The following TULP4 variants were observed in gnomAD, a reference collection of about 807,000 sequenced individuals.
The protein encoded by TULP4 is tubby-related protein 4.
In TULP4, 16 loss-of-function variants were observed where a neutral mutation model predicts 129.0. That is an observed-to-expected ratio of 0.12 (90% CI 0.08 to 0.19). TULP4 has a LOEUF of 0.19. Ranked by LOEUF, TULP4 falls within the 10% of genes least tolerant of loss-of-function variation. TULP4 has a pLI of 1.00. For synonymous variants in TULP4, 998 were observed against 854.0 expected (o/e 1.17, Z -2.94); for missense variants, 1,842 against 2,059.1 (o/e 0.89, Z 2.04).
intron 1 of TULP4, among the ~76,000 whole-genome samples, chr6:158,292,662 A>G (rs1395986490): frequency 6.6e-6 from 1 of 152,134 alleles, no homozygotes; most frequent in Non-Finnish European, 1.5e-5. Context: ...TTATGTCTTT[A>G]TCAACGTTTA....
chr6:158,362,450 A>G (rs1297084078), intron 1 of TULP4, among the ~76,000 whole-genome samples: 1 of 152,138 alleles, frequency 6.6e-6, no homozygotes, highest in Non-Finnish European at 1.5e-5. Context: ...CCTGGGCTCA[A>G]GCAATGCTCC....
chr6:158,350,246 GGCGGCCGGGC>G (rs1780478782), intron 1 of TULP4, among the ~76,000 whole-genome samples: 2 of 4,426 alleles, frequency 4.5e-4, no homozygotes, highest in Non-Finnish European at 2.1e-3. Flanking sequence ...TCCCAGACGG[GGCGGCCGGGC>G]AGAGGGGCTC....
chr6:158,334,514 C>A (rs1017294049), intron 1 of TULP4, among the ~76,000 whole-genome samples: 6 of 152,158 alleles, frequency 3.9e-5, no homozygotes, highest in African/African-American at 1.4e-4. Flanking sequence ...GGCTACTGAT[C>A]AGCAATAGAC....
chr6:158,345,010 A>T (rs1259819987), intron 1 of TULP4, among the ~76,000 whole-genome samples: 1 of 152,254 alleles, frequency 6.6e-6, no homozygotes, highest in Admixed American at 6.5e-5. Context: ...AGTGGTCTGG[A>T]TGGAAGATCA....
chr6:158,401,398 T>A (rs909015506), intron 1 of TULP4, among the ~76,000 whole-genome samples: 1 of 152,180 alleles, frequency 6.6e-6, no homozygotes, highest in Non-Finnish European at 1.5e-5. Context: ...AAGCTGTTTT[T>A]CCCTGGCAAC....
At chr6:158,420,575 G>A (rs1319234044) in intron 2 of TULP4, among the ~76,000 whole-genome samples, 2 of 152,084 alleles carry the variant, frequency 1.3e-5, no homozygotes, top group Admixed American at 6.6e-5. Context: ...CTTGCCTCCC[G>A]GGTTCAAGCG....
chr6:158,490,077 T>C (rs767726409), intron 9 of TULP4, among the ~76,000 whole-genome samples: 1 of 152,164 alleles, frequency 6.6e-6, no homozygotes, highest in Non-Finnish European at 1.5e-5. Flanking sequence ...GGATGTAACA[T>C]GTTGAAGAGA....
At position 158,292,268 on chromosome 6, in the gene TULP4, G is replaced by C. The variant is rs919024728; in HGVS notation, n.116+9890G>C. Among the ~76,000 whole-genome samples the C allele has an allele frequency of 2.0e-5, 3 of 152,322 alleles. No homozygotes were observed. The South Asian group carries it at 6.2e-4, about 32-fold the overall frequency. Reference sequence around the variant, plus strand: ...AATGACCAACTGTCTGGTTAGTCCAGGACTGAGGGGTTTCCTGGGATGTGG... The same window carrying C: ...AATGACCAACTGTCTGGTTAGTCCACGACTGAGGGGTTTCCTGGGATGTGG... On this transcript the variant is annotated intron_variant and non_coding_transcript_variant, in intron 1 of 1. Coordinates refer to the TULP4 transcript ENST00000432358.
In TULP4 at chr6:158,506,855, C is replaced by T. The variant is rs1562597633; in HGVS notation, c.*161C>T. 2 of 597,248 alleles carry T rather than the reference C, an allele frequency of 3.3e-6. No homozygotes were observed. Among genetic ancestry groups the T allele is most frequent in the African/African-American group, 1.9e-5 (1 of 53,648 alleles). 37.0% of individuals were successfully genotyped at this position (597,248 alleles called of 1,614,324 possible). Reference sequence around the variant, plus strand: ...CCAGGAGAGGGCGCTGACCTGTGGTCGTCATTTATTTGGTTGGGTTTTATT... The same window carrying T: ...CCAGGAGAGGGCGCTGACCTGTGGTTGTCATTTATTTGGTTGGGTTTTATT... On this transcript the variant is annotated 3_prime_UTR_variant, in exon 14 of 14. Coordinates refer to ENST00000367097, the MANE Select transcript of TULP4 (RefSeq NM_020245.5).
At chr6:158,491,167 T>C (rs907256890) in intron 9 of TULP4, among the ~76,000 whole-genome samples, 6 of 152,196 alleles carry the variant, frequency 3.9e-5, no homozygotes, top group Non-Finnish European at 8.8e-5. Flanking sequence ...TCCCAGTTTC[T>C]TCCATCCTCA....
chr6:158,450,653 A>G (rs747858826), intron 4 of TULP4, among the ~76,000 whole-genome samples: 1 of 152,078 alleles, frequency 6.6e-6, no homozygotes, highest in Non-Finnish European at 1.5e-5. Flanking sequence ...ACAGCCTCAT[A>G]ATAGTAAAGT....
chr6:158,293,515 ATAAT>A (rs1670048994), intron 1 of TULP4, among the ~76,000 whole-genome samples: 1 of 152,240 alleles, frequency 6.6e-6, no homozygotes, highest in African/African-American at 2.4e-5. Context: ...TTAGGTAGGG[ATAAT>A]TAATTAAATA....
intron 1 of TULP4, among the ~76,000 whole-genome samples, chr6:158,359,799 T>C (rs1005249023): frequency 6.6e-6 from 1 of 152,182 alleles, no homozygotes; most frequent in Non-Finnish European, 1.5e-5. Flanking sequence ...TAAAAAAATT[T>C]AAAACTCCCA....
At chr6:158,363,362 T>A (rs1780845004) in intron 1 of TULP4, among the ~76,000 whole-genome samples, 2 of 152,230 alleles carry the variant, frequency 1.3e-5, no homozygotes, top group South Asian at 4.1e-4. Flanking sequence ...CACTGTTACA[T>A]CTTTGAGGGT....
Position 158,481,187 on chromosome 6 carries a change from C to T in TULP4, c.1384C>T (p.Leu462=), listed in dbSNP as rs563773184. ...EVGGPCYTLY[L]EYLGGLVPIL... ...GGGCGGCCCGTGCTACACGCTCTACCTGGAGTACCTGGGCGGGCTTGTGCC... is the reference window on the plus strand; with the variant it reads ...GGGCGGCCCGTGCTACACGCTCTACTTGGAGTACCTGGGCGGGCTTGTGCC... Residue 462 remains leucine (L), a synonymous_variant, in exon 8 of 14, where the codon CTG becomes TTG. Transcript: ENST00000367097. 8.1e-6 allele frequency: 13 copies of T among 1,614,254 alleles called. No homozygotes were observed. The East Asian group carries it at 2.7e-4, about 33-fold the overall frequency.
intron 1 of TULP4, among the ~76,000 whole-genome samples, chr6:158,340,424 CCCT>C (rs150807610): frequency 7.4e-4 from 113 of 152,160 alleles, no homozygotes; most frequent in Admixed American, 8.5e-4. Context: ...GCTGCTTGGG[CCCT>C]CCTCTGTGTG....
chr6:158,493,745 C>T lies in TULP4; in HGVS notation c.1776+28C>T, dbSNP rs1780267432. Reference sequence around the variant, plus strand: ...AGGAGCCCCCAGTTACCCTGCCTTGCTCCCCTCCTCCTGGGGGCTATGCCC... The same window carrying T: ...AGGAGCCCCCAGTTACCCTGCCTTGTTCCCCTCCTCCTGGGGGCTATGCCC... On this transcript the variant is annotated intron_variant, in intron 10 of 13. Transcript: ENST00000367097. The surrounding 1 kb of genome is among the most constrained non-coding windows in gnomAD (Gnocchi z 4.4). 3 of 1,513,354 alleles carry T rather than the reference C, an allele frequency of 2.0e-6. No homozygotes were observed. The highest frequency in any genetic ancestry group is 1.8e-6 in the Non-Finnish European group (2 of 1,129,330). The allele number at this position is 1,513,354 out of a possible 1,614,324, so 93.7% of individuals were successfully genotyped here.
intron 9 of TULP4, 88 bp downstream of exon 9, chr6:158,489,820 C>A: frequency 6.6e-7 from 1 of 1,511,272 alleles, no homozygotes; most frequent in Non-Finnish European, 9.0e-7. Flanking sequence ...TGAAACTGAC[C>A]AGAAGAGTCA....
At chr6:158,405,095 A>G (rs190575719) in intron 1 of TULP4, among the ~76,000 whole-genome samples, 1 of 152,356 alleles carries the variant, frequency 6.6e-6, no homozygotes, top group Non-Finnish European at 1.5e-5. Context: ...TGGAGCTAAA[A>G]TAAGCTATGT....
Sources: gnomAD v4.1 joint callset for allele counts (sites outside exome capture counted in the v4.1 genomes callset) on GRCh38, gnomAD v4.1.1 for gene constraint, Gnocchi (gnomAD v3.1) non-coding constraint, MANE v1.5 for transcripts, NCBI Gene and HGNC (gene_info 2026-07-23, HGNC 2026-07-21) for gene names.